RIMS4: variants seen among roughly 807,000 people sequenced by gnomAD.
RIMS4 encodes the protein regulating synaptic membrane exocytosis 4, also known as regulating synaptic membrane exocytosis protein 4.
RIMS4 carries 9 observed loss-of-function variants against 29.0 expected under a neutral mutation model. The observed-to-expected ratio is 0.31, with a 90% CI of 0.19 to 0.54. RIMS4 has a LOEUF of 0.54. Ranked by LOEUF, RIMS4 falls within the 20% of genes least tolerant of loss-of-function variation. RIMS4 has a pLI of 0.94. For synonymous variants in RIMS4, 130 were observed against 152.9 expected, an observed-to-expected ratio of 0.85 and a Z score of 1.10; for missense variants, 193 against 365.7, an observed-to-expected ratio of 0.53 and a Z score of 3.85.
intron 1 of RIMS4, among the ~76,000 whole-genome samples, chr20:44,776,731 A>G (rs974327550): frequency 6.6e-5 from 10 of 152,206 alleles, no homozygotes; most frequent in African/African-American, 2.4e-4. Context: ...AGCCCTCAAC[A>G]AAGTTGACTA....
intron 2 of RIMS4, among the ~76,000 whole-genome samples, chr20:44,762,595 G>A (rs1302905428): frequency 6.6e-6 from 1 of 152,188 alleles, no homozygotes; most frequent in Admixed American, 6.5e-5. Flanking sequence ...ATGGGGAACT[G>A]GCAGGCCTGG....
Position 44,758,187 on chromosome 20 carries a change from G to C in RIMS4, c.237-3C>G. 1.9e-6 allele frequency: 3 copies of C among 1,603,102 alleles called. No individual in the cohort carries two copies. Among genetic ancestry groups the C allele is most frequent in the Non-Finnish European group, 2.6e-6 (3 of 1,172,822 alleles). ...GGCAAACTCCTCCATAGTTAAGGCT[G>C]CAAGAGGAAAAGGTGAGACAAAGCA... On this transcript the variant is annotated splice_polypyrimidine_tract_variant and splice_region_variant and intron_variant, in intron 2 of 5. Coordinates refer to ENST00000372851, the MANE Select transcript of RIMS4 (RefSeq NM_182970.4).
chr20:44,799,828 C>A (rs2066270200), intron 1 of RIMS4, among the ~76,000 whole-genome samples: 1 of 152,218 alleles, frequency 6.6e-6, no homozygotes, highest in South Asian at 2.1e-4. Context: ...AGATTGCTCT[C>A]TGGGCCTCAA....
At position 44,807,303 on chromosome 20, in the gene RIMS4, C is replaced by G. The variant is rs76395137; in HGVS notation, c.97+2872G>C. Among the ~76,000 whole-genome samples the G allele has an allele frequency of 3.9e-3, 593 of 152,308 alleles. 3 individuals carry two copies. Among genetic ancestry groups the G allele is most frequent in the Middle Eastern group, 6.8e-3 (2 of 294 alleles). On this transcript the variant is annotated intron_variant, in intron 1 of 5. Transcript: ENST00000372851. The stretch of plus-strand genomic sequence containing the variant: ...CAGCTTCCTGTGCCCACCCCAATGG[C>G]CAAGGATCCCAAGTCCAAATCAGGA...
At chr20:44,799,471 T>C (rs1214371348) in intron 1 of RIMS4, among the ~76,000 whole-genome samples, 2 of 152,040 alleles carry the variant, frequency 1.3e-5, no homozygotes, top group African/African-American at 4.8e-5. Flanking sequence ...CGGCCAGGGC[T>C]TGGATGGGCC....
intron 2 of RIMS4, among the ~76,000 whole-genome samples, chr20:44,758,758 C>G (rs1418907329): frequency 6.6e-6 from 1 of 152,180 alleles, no homozygotes; most frequent in Non-Finnish European, 1.5e-5. Context: ...GTTCAGCCAA[C>G]AAGAATCAGG....
At chr20:44,757,162 G>A (rs1461751243) in intron 4 of RIMS4, 125 bp from the exon 5 acceptor site, 14 of 1,032,122 alleles carry the variant, frequency 1.4e-5, no homozygotes, top group Non-Finnish European at 2.0e-5. Flanking sequence ...GTCTGGGGAG[G>A]ACGCACCAGG....
intron 1 of RIMS4, 34 bp downstream of exon 1, chr20:44,810,140 AC>A: frequency 7.5e-7 from 1 of 1,327,402 alleles, no homozygotes. Flanking sequence ...ATCCCGGGAC[AC>A]CCCGGGGGTC....
At chr20:44,805,978 C>T (rs1329598023) in intron 1 of RIMS4, among the ~76,000 whole-genome samples, 1 of 152,184 alleles carries the variant, frequency 6.6e-6, no homozygotes, top group Non-Finnish European at 1.5e-5. Flanking sequence ...GTTTTTGGAT[C>T]CCATCCACTA....
chr20:44,757,933 T>C, intron 3 of RIMS4, 139 bp downstream of exon 3: 1 of 930,190 alleles, frequency 1.1e-6, no homozygotes, highest in Non-Finnish European at 1.7e-6. Context: ...TGCTGAGGGC[T>C]TGAGAGTGTG....
At chr20:44,762,546 T>C (rs967983546) in intron 2 of RIMS4, among the ~76,000 whole-genome samples, 1 of 152,214 alleles carries the variant, frequency 6.6e-6, no homozygotes, top group Non-Finnish European at 1.5e-5. Context: ...ACGTCATCAT[T>C]GTCTGCTTCT....
At chr20:44,774,623 G>A (rs1185510698) in intron 1 of RIMS4, among the ~76,000 whole-genome samples, 1 of 152,112 alleles carries the variant, frequency 6.6e-6, no homozygotes, top group African/African-American at 2.4e-5. Context: ...CCTTGTAATC[G>A]TGTGAATCAA....
In RIMS4 at chr20:44,806,555, G is replaced by C. The variant is rs994962215; in HGVS notation, c.97+3620C>G. On this transcript the variant is annotated intron_variant, in intron 1 of 5. Transcript: ENST00000372851. ...AAGATTAGCCTATTAAAATTATAAA[G>C]CTAGCATTTTGAGAATCAGCCTTCT... Among the ~76,000 whole-genome samples, 7 of 152,248 alleles carry C rather than the reference G, an allele frequency of 4.6e-5. No homozygotes were observed. In the South Asian group the frequency reaches 8.3e-4, roughly 18 times the overall value.
intron 1 of RIMS4, among the ~76,000 whole-genome samples, chr20:44,796,825 T>C (rs4812866): frequency 1.5e-4 from 23 of 152,138 alleles, no homozygotes; most frequent in African/African-American, 5.3e-4. Flanking sequence ...GGAAGAGCTG[T>C]AAATATGAAG....
At chr20:44,802,028 G>A (rs2066279539) in intron 1 of RIMS4, among the ~76,000 whole-genome samples, 2 of 152,092 alleles carry the variant, frequency 1.3e-5, no homozygotes, top group Non-Finnish European at 1.5e-5. Flanking sequence ...AGTCCCTCCT[G>A]CCCCCAAACT....
chr20:44,754,348 G>A lies in RIMS4; in HGVS notation c.*1786C>T, dbSNP rs181222870. The A allele has an allele frequency of 1.0e-4, 16 of 156,560 alleles. No homozygotes were observed. In the East Asian group the frequency reaches 3.0e-3, roughly 29 times the overall value. The allele number at this position is 156,560 out of a possible 1,614,324, so 9.7% of individuals were successfully genotyped here. On this transcript the variant is annotated 3_prime_UTR_variant, in exon 6 of 6. Coordinates refer to ENST00000372851, the MANE Select transcript of RIMS4 (RefSeq NM_182970.4). ...TAAAGAATACCCAGGGTTTCCACAG[G>A]CTAAGGGAAGGGAAGAATTTCCGGG...
intron 1 of RIMS4, among the ~76,000 whole-genome samples, chr20:44,781,979 C>T (rs964752227): frequency 6.6e-6 from 1 of 152,182 alleles, no homozygotes; most frequent in African/African-American, 2.4e-5. Context: ...TCATCATTCA[C>T]CAAATACAGC....
At chr20:44,768,760 C>G (rs571551241) in intron 2 of RIMS4, among the ~76,000 whole-genome samples, 1 of 152,326 alleles carries the variant, frequency 6.6e-6, no homozygotes, top group African/African-American at 2.4e-5. Context: ...TCGTAATCCT[C>G]ACAGCCAACA....
chr20:44,804,948 G>T (rs879151431), intron 1 of RIMS4, among the ~76,000 whole-genome samples: 1 of 152,170 alleles, frequency 6.6e-6, no homozygotes, highest in Admixed American at 6.5e-5. Context: ...GGGGTAAGGC[G>T]TGAATCCTCA....
Sources: gnomAD v4.1 joint callset for allele counts (sites outside exome capture counted in the v4.1 genomes callset) on GRCh38, gnomAD v4.1.1 for gene constraint, MANE v1.5 for transcripts, NCBI Gene and HGNC (gene_info 2026-07-23, HGNC 2026-07-21) for gene names.